PTGR3: variants seen among roughly 807,000 people sequenced by gnomAD.
The protein encoded by PTGR3 is prostaglandin reductase 3.
chr18:75,201,519 GTAAACCTGCC>G, the PTGR3 span: 1 of 1,614,168 alleles, frequency 6.2e-7, no homozygotes, highest in Non-Finnish European at 8.5e-7. Context: ...CTCCAGGCCA[GTAAACCTGCC>G]CTCTGGAGAC....
At chr18:75,201,549 A>T in the PTGR3 span, 10 of 1,614,070 alleles carry the variant, frequency 6.2e-6, no homozygotes, top group East Asian at 2.0e-4. Context: ...CAGATCTCCA[A>T]GGTCCACCTC....
the PTGR3 span, chr18:75,208,976 G>C: frequency 6.3e-7 from 1 of 1,594,926 alleles, no homozygotes. Flanking sequence ...TTGGGGAATG[G>C]CGGAGCCCTG....
At chr18:75,202,465 G>C in the PTGR3 span, 2 of 777,760 alleles carry the variant, frequency 2.6e-6, no homozygotes, top group Non-Finnish European at 4.0e-6. Flanking sequence ...CAATCTGATC[G>C]AATTTGAGAA....
At chr18:75,203,891 C>T in the PTGR3 span, among the ~76,000 whole-genome samples, 1 of 152,178 alleles carries the variant, frequency 6.6e-6, no homozygotes, top group African/African-American at 2.4e-5. Context: ...AGCAGCAGCC[C>T]AGGGCAGAGC....
the PTGR3 span, chr18:75,201,300 CTTTTG>C: frequency 6.5e-6 from 6 of 917,338 alleles, no homozygotes; most frequent in Non-Finnish European, 9.7e-6. Context: ...TAACACCTTA[CTTTTG>C]TTTTAAGAAA....
the PTGR3 span, chr18:75,202,006 C>G: frequency 1.9e-6 from 3 of 1,614,106 alleles, no homozygotes; most frequent in Non-Finnish European, 2.5e-6. Flanking sequence ...GTTCCCCCAG[C>G]TGCTGCTGTC....
the PTGR3 span, chr18:75,202,442 T>C: frequency 3.8e-6 from 4 of 1,066,630 alleles, no homozygotes; most frequent in African/African-American, 6.3e-5. Context: ...CCTGGAGGGG[T>C]TGCTAAGCTA....
chr18:75,198,559 A>G, the PTGR3 span: 3 of 151,946 alleles, frequency 2.0e-5, no homozygotes, highest in South Asian at 4.1e-4. Context: ...TAACAGCAGT[A>G]GTCATCATCA....
chr18:75,200,055 CCTAGAG>C, the PTGR3 span: 2 of 152,376 alleles, frequency 1.3e-5, no homozygotes, highest in Non-Finnish European at 2.9e-5. Flanking sequence ...CCCCAAATTT[CCTAGAG>C]CATCTTTAAT....
the PTGR3 span, chr18:75,205,384 C>T: frequency 2.0e-6 from 2 of 984,000 alleles, no homozygotes; most frequent in Non-Finnish European, 2.4e-6. Flanking sequence ...CCCACCCCCC[C>T]TTTAATTGAA....
chr18:75,202,265 G>T, the PTGR3 span: 5 of 1,614,132 alleles, frequency 3.1e-6, no homozygotes, highest in Admixed American at 3.3e-5. Context: ...CGAAACCTAT[G>T]TCAAAGGGAG....
At chr18:75,202,100 A>T in the PTGR3 span, 1 of 1,614,064 alleles carries the variant, frequency 6.2e-7, no homozygotes, top group South Asian at 1.1e-5. Flanking sequence ...GCAGGGTAAG[A>T]TACTCGGGTT....
the PTGR3 span, among the ~76,000 whole-genome samples, chr18:75,208,084 G>A: frequency 6.6e-6 from 1 of 152,220 alleles, no homozygotes; most frequent in African/African-American, 2.4e-5. Flanking sequence ...GATGAGTGAG[G>A]CGGAAACACG....
the PTGR3 span, chr18:75,202,432 C>G: frequency 8.3e-7 from 1 of 1,208,830 alleles, no homozygotes; most frequent in Non-Finnish European, 1.2e-6. Context: ...TTCTGGCGAC[C>G]CTGGAGGGGT....
chr18:75,200,767 A>G, the PTGR3 span: 1 of 152,208 alleles, frequency 6.6e-6, no homozygotes, highest in Non-Finnish European at 1.5e-5. Flanking sequence ...TCCATTTCAC[A>G]TGTGCCTTAT....
chr18:75,197,772 T>G, the PTGR3 span: 1 of 152,222 alleles, frequency 6.6e-6, no homozygotes, highest in Admixed American at 6.5e-5. Flanking sequence ...ATAAAATATT[T>G]AATAAAATGA....
the PTGR3 span, among the ~76,000 whole-genome samples, chr18:75,204,918 C>T: frequency 1.3e-5 from 2 of 152,296 alleles, no homozygotes; most frequent in Admixed American, 1.3e-4. Context: ...GCGGCTTGAC[C>T]GTGACCTTGG....
the PTGR3 span, chr18:75,202,445 C>G: frequency 1.0e-6 from 1 of 998,820 alleles, no homozygotes; most frequent in South Asian, 1.7e-5. Flanking sequence ...GGAGGGGTTG[C>G]TAAGCTATAC....
At chr18:75,209,068 C>T in the PTGR3 span, 1 of 1,505,724 alleles carries the variant, frequency 6.6e-7, no homozygotes, top group Non-Finnish European at 8.9e-7. The surrounding 1 kb of genome is among the most constrained non-coding windows in gnomAD (Gnocchi z 4.7). Flanking sequence ...TGGCCTGCGC[C>T]TCCGCCCGCT....
Sources: allele counts gnomAD v4.1 joint callset (sites outside exome capture counted in the v4.1 genomes callset), GRCh38; gene constraint gnomAD v4.1.1; non-coding constraint Gnocchi (gnomAD v3.1); transcripts MANE v1.5; gene names NCBI Gene and HGNC (gene_info 2026-07-23, HGNC 2026-07-21).